Variants in SLC4A10 observed in about 807,000 individuals in gnomAD.
The protein encoded by SLC4A10 is sodium-driven chloride bicarbonate exchanger.
A neutral mutation model predicts 137.7 loss-of-function variants in SLC4A10; 42 were observed. The ratio of observed to expected loss-of-function variants is 0.30; its 90% confidence interval spans 0.24 to 0.39. SLC4A10 has a LOEUF of 0.39. Ranked by LOEUF, SLC4A10 falls within the 10% of genes least tolerant of loss-of-function variation. The probability of loss-of-function intolerance (pLI) is 1.00; values close to 1 mark genes in which losing one functional copy is unlikely to be tolerated. For synonymous variants in SLC4A10, 474 were observed against 464.1 expected, an observed-to-expected ratio of 1.02 and a Z score of -0.27; for missense variants, 925 against 1,355.0, an observed-to-expected ratio of 0.68 and a Z score of 4.98.
chr2:161,765,013 C>T lies in SLC4A10; in HGVS notation c.49-5960C>T, dbSNP rs1433015750. On this transcript the variant is annotated intron_variant, in intron 1 of 26. Coordinates refer to ENST00000446997, the MANE Select transcript of SLC4A10 (RefSeq NM_001178015.2). ...TCGGATTAGTTACTGTTACTCTGTT[C>T]CAGGGCAATAGTCTTTACCAGTGCT... Among the ~76,000 whole-genome samples the T allele has an allele frequency of 2.6e-5, 4 of 152,152 alleles. No homozygotes were observed. The East Asian group carries it at 7.8e-4, about 30-fold the overall frequency.
intron 1 of SLC4A10, among the ~76,000 whole-genome samples, chr2:161,681,466 G>A (rs1382157872): frequency 6.6e-6 from 1 of 152,096 alleles, no homozygotes; most frequent in African/African-American, 2.4e-5. Context: ...TTTTAATTCA[G>A]TATACTTTTC....
At chr2:161,859,676 C>G (rs1253834916) in intron 5 of SLC4A10, among the ~76,000 whole-genome samples, 1 of 134,188 alleles carries the variant, frequency 7.5e-6, no homozygotes, top group Non-Finnish European at 1.5e-5. Context: ...TCTCGGCTCA[C>G]TGCAAGCTCC....
At chr2:161,756,951 T>A (rs951967184) in intron 1 of SLC4A10, among the ~76,000 whole-genome samples, 1 of 152,172 alleles carries the variant, frequency 6.6e-6, no homozygotes, top group Non-Finnish European at 1.5e-5. Context: ...TAATGTTATT[T>A]ATGTGGCATG....
intron 1 of SLC4A10, among the ~76,000 whole-genome samples, chr2:161,688,373 A>G (rs953900610): frequency 3.9e-5 from 6 of 152,198 alleles, no homozygotes; most frequent in African/African-American, 1.4e-4. Context: ...TTTTTGGTGT[A>G]GAATAATTAA....
chr2:161,832,560 G>A (rs2058497875), intron 3 of SLC4A10, among the ~76,000 whole-genome samples: 1 of 152,180 alleles, frequency 6.6e-6, no homozygotes, highest in Non-Finnish European at 1.5e-5. Flanking sequence ...TGGGGAGGTA[G>A]TTGCAAGCTG....
chr2:161,840,039 G>A (rs1575219540), intron 4 of SLC4A10, 112 bp downstream of exon 4: 2 of 1,354,388 alleles, frequency 1.5e-6, no homozygotes, highest in East Asian at 4.6e-5. Context: ...GCTGATTTTA[G>A]AAGTTGCTCA....
intron 1 of SLC4A10, among the ~76,000 whole-genome samples, chr2:161,691,594 T>A (rs62189003): frequency 0.075 from 11,379 of 152,154 alleles, 535 homozygotes; most frequent in East Asian, 0.14. Flanking sequence ...ATACAACTAC[T>A]GTGTACCCAC....
At chr2:161,708,329 A>C (rs866924413) in intron 1 of SLC4A10, among the ~76,000 whole-genome samples, 2 of 151,618 alleles carry the variant, frequency 1.3e-5, no homozygotes, top group Middle Eastern at 6.8e-3. Flanking sequence ...AATAATTAAG[A>C]GTTGACATTT....
intron 25 of SLC4A10, chr2:161,977,273 T>TA (rs771203575): frequency 8.4e-6 from 3 of 357,206 alleles, no homozygotes; most frequent in South Asian, 7.3e-5. Flanking sequence ...ATTTTATAAA[T>TA]ATGCATAAAT....
intron 9 of SLC4A10, among the ~76,000 whole-genome samples, chr2:161,879,715 A>G (rs1418089389): frequency 6.6e-6 from 1 of 152,086 alleles, no homozygotes; most frequent in Non-Finnish European, 1.5e-5. Context: ...CTTGAATAAG[A>G]AGGCCTTCAA....
At chr2:161,897,436 ACCCAGCCCTGG>A (rs1438222096) in intron 11 of SLC4A10, among the ~76,000 whole-genome samples, 2 of 152,002 alleles carry the variant, frequency 1.3e-5, no homozygotes, top group Non-Finnish European at 1.5e-5. Context: ...GGTCTAATTG[ACCCAGCCCTGG>A]AATTAGAAAT....
chr2:161,940,852 C>T (rs959834971), intron 15 of SLC4A10, among the ~76,000 whole-genome samples: 1 of 152,072 alleles, frequency 6.6e-6, no homozygotes, highest in Non-Finnish European at 1.5e-5. Flanking sequence ...ACCTGTAATC[C>T]CAGCCCTTTG....
intron 3 of SLC4A10, among the ~76,000 whole-genome samples, chr2:161,816,760 G>A (rs1239020916): frequency 6.6e-6 from 1 of 151,544 alleles, no homozygotes; most frequent in Non-Finnish European, 1.5e-5. Context: ...ATAGTTTGCT[G>A]AGAATGATGG....
intron 2 of SLC4A10, among the ~76,000 whole-genome samples, chr2:161,802,248 C>T (rs2055448196): frequency 1.3e-5 from 2 of 152,066 alleles, no homozygotes; most frequent in Non-Finnish European, 2.9e-5. Flanking sequence ...TACATCCGTT[C>T]TTAAAATATA....
At chr2:161,859,437 C>G (rs1377460464) in intron 5 of SLC4A10, among the ~76,000 whole-genome samples, 1 of 151,202 alleles carries the variant, frequency 6.6e-6, no homozygotes, top group Non-Finnish European at 1.5e-5. Context: ...ACTACAGGCA[C>G]ACGGCAACAT....
At chr2:161,835,481 T>G (rs1214676009) in intron 3 of SLC4A10, among the ~76,000 whole-genome samples, 3 of 151,230 alleles carry the variant, frequency 2.0e-5, no homozygotes, top group African/African-American at 7.3e-5. Flanking sequence ...TCAGACGATT[T>G]CGGAGAGAAC....
intron 1 of SLC4A10, among the ~76,000 whole-genome samples, chr2:161,687,922 T>C (rs529587700): frequency 6.6e-6 from 1 of 152,330 alleles, no homozygotes; most frequent in Admixed American, 6.5e-5. Flanking sequence ...TAAACCTCTT[T>C]TCTTTATAAA....
intron 1 of SLC4A10, among the ~76,000 whole-genome samples, chr2:161,712,328 G>A (rs2044377252): frequency 1.3e-5 from 2 of 151,532 alleles, no homozygotes; most frequent in African/African-American, 4.8e-5. Context: ...CTAGGACTTT[G>A]GGAAAATTTA....
intron 16 of SLC4A10, 107 bp from the exon 17 acceptor site, chr2:161,947,459 A>G (rs1447098621): frequency 8.6e-7 from 1 of 1,158,116 alleles, no homozygotes; most frequent in Non-Finnish European, 1.2e-6. Context: ...GCCATAAAGG[A>G]AAAGCCTCAG....
Sources: gnomAD v4.1 joint callset for allele counts (sites outside exome capture counted in the v4.1 genomes callset) on GRCh38, gnomAD v4.1.1 for gene constraint, MANE v1.5 for transcripts, NCBI Gene and HGNC (gene_info 2026-07-23, HGNC 2026-07-21) for gene names.